The following PTP4A1 variants were observed in gnomAD, a reference collection of about 807,000 sequenced individuals.
PTP4A1 encodes protein tyrosine phosphatase 4A1.
In PTP4A1, 9 loss-of-function variants were observed where a neutral mutation model predicts 20.5. The observed-to-expected ratio is 0.44, with a 90% confidence interval of 0.26 to 0.77. PTP4A1 has a LOEUF of 0.77. Ranked by LOEUF, PTP4A1 falls within the 30% of genes least tolerant of loss-of-function variation. The pLI is 0.19. For synonymous variants in PTP4A1, 78 were observed against 67.4 expected (o/e 1.16, Z -0.77); for missense variants, 137 against 218.8 (o/e 0.63, Z 2.36).
upstream of PTP4A1, among the ~76,000 whole-genome samples, chr6:63,567,695 T>C (rs1258659328): frequency 6.6e-6 from 1 of 152,220 alleles, no homozygotes; most frequent in Non-Finnish European, 1.5e-5. Context: ...GAACTGCCTG[T>C]CCTTCGAAGC....
intron 2 of PTP4A1, among the ~76,000 whole-genome samples, chr6:63,532,816 C>A (rs1775527621): frequency 6.6e-6 from 1 of 151,946 alleles, no homozygotes; most frequent in Non-Finnish European, 1.5e-5. Flanking sequence ...GAATAAGCTA[C>A]CAAAAAATAT....
At chr6:63,527,394 C>T (rs1231477388) in intron 1 of PTP4A1, among the ~76,000 whole-genome samples, 2 of 152,110 alleles carry the variant, frequency 1.3e-5, no homozygotes, top group Non-Finnish European at 1.5e-5. Flanking sequence ...CCAATAAGTG[C>T]CGAGTGAATA....
chr6:63,517,613 ACTAT>A (rs1774776436), upstream of PTP4A1, among the ~76,000 whole-genome samples: 1 of 152,076 alleles, frequency 6.6e-6, no homozygotes, highest in African/African-American at 2.4e-5. Context: ...AAGGACCTTC[ACTAT>A]CTATCAACAC....
At chr6:63,568,122 C>T (rs1417073744), upstream of PTP4A1, among the ~76,000 whole-genome samples, 1 of 152,230 alleles carries the variant, frequency 6.6e-6, no homozygotes, top group Non-Finnish European at 1.5e-5. Flanking sequence ...ACTTTCTTAT[C>T]ATTCCTGTGT....
chr6:63,516,999 G>A (rs1435464482), upstream of PTP4A1, among the ~76,000 whole-genome samples: 4 of 152,100 alleles, frequency 2.6e-5, no homozygotes, highest in South Asian at 2.1e-4. Context: ...ACCATTGACC[G>A]AAGCCATTGT....
rs540620817 is a variant in PTP4A1 at position 63,576,837 on chromosome 6, T to A, written c.-44T>A. 243 of 1,493,342 alleles carry A rather than the reference T, an allele frequency of 1.6e-4. 1 individual carries two copies. The highest frequency in any genetic ancestry group is 7.2e-4 in the Middle Eastern group (3 of 4,190). The allele number at this position is 1,493,342 out of a possible 1,614,324, so 92.5% of individuals were successfully genotyped here. A position where few individuals can be genotyped will look rare whatever the true frequency, so the allele number is the denominator to read the frequency against. ...GCATCATTTCTGTATTCAATTTTTT[T>A]AATTATTTCATAACCCTATTGAGTG... On this transcript the variant is annotated 5_prime_UTR_variant, in exon 2 of 6. Transcript: ENST00000626021.
upstream of PTP4A1, chr6:63,571,434 G>A (rs1777420905): frequency 6.6e-6 from 1 of 152,208 alleles, no homozygotes; most frequent in African/African-American, 2.4e-5. Context: ...AGGGTTTTCA[G>A]ATTATAAATA....
intron 2 of PTP4A1, among the ~76,000 whole-genome samples, chr6:63,544,790 T>C (rs1776116685): frequency 6.6e-6 from 1 of 152,210 alleles, no homozygotes; most frequent in Admixed American, 6.5e-5. Context: ...CCTCTCCACG[T>C]ATCCTATCAG....
upstream of PTP4A1, chr6:63,572,051 C>T (rs1332163828): frequency 6.6e-6 from 1 of 152,278 alleles, no homozygotes; most frequent in Non-Finnish European, 1.5e-5. Context: ...GCAGGCTCGA[C>T]ACTGAGACGC....
chr6:63,531,354 T>C (rs971677374), intron 2 of PTP4A1, among the ~76,000 whole-genome samples: 2 of 151,452 alleles, frequency 1.3e-5, no homozygotes, highest in African/African-American at 4.9e-5. Flanking sequence ...TCTCTTTAAC[T>C]AAAACAATAA....
At chr6:63,570,608 A>AT (rs886825442), upstream of PTP4A1, among the ~76,000 whole-genome samples, 1 of 152,182 alleles carries the variant, frequency 6.6e-6, no homozygotes, top group African/African-American at 2.4e-5. Context: ...GCTAACACAT[A>AT]TTTGGCTCTG....
intron 2 of PTP4A1, among the ~76,000 whole-genome samples, chr6:63,533,257 C>T (rs934677156): frequency 6.6e-6 from 1 of 152,128 alleles, no homozygotes; most frequent in African/African-American, 2.4e-5. Context: ...TGGCGCACAC[C>T]TGTTTTCTCA....
intron 1 of PTP4A1, among the ~76,000 whole-genome samples, chr6:63,574,937 C>T (rs184882585): frequency 6.6e-6 from 1 of 152,338 alleles, no homozygotes; most frequent in African/African-American, 2.4e-5. Context: ...GAAGTAACCT[C>T]TGAGGGCTTG....
intron 3 of PTP4A1, among the ~76,000 whole-genome samples, chr6:63,564,764 C>T (rs894491569): frequency 5.9e-5 from 9 of 152,264 alleles, no homozygotes; most frequent in African/African-American, 1.7e-4. Flanking sequence ...GAGACTGTGG[C>T]CTTCCTGATT....
At chr6:63,578,671 T>C (rs1252936290) in intron 3 of PTP4A1, 142 bp downstream of exon 3, 4 of 1,307,062 alleles carry the variant, frequency 3.1e-6, no homozygotes, top group Non-Finnish European at 4.1e-6. Flanking sequence ...GTGCAGAATC[T>C]TAATTTCTAA....
chr6:63,575,972 TTG>T (rs1308910360), intron 1 of PTP4A1, among the ~76,000 whole-genome samples: 1 of 151,956 alleles, frequency 6.6e-6, no homozygotes, highest in Non-Finnish European at 1.5e-5. Flanking sequence ...TATCTGGAGT[TTG>T]TATTAATGTG....
chr6:63,564,274 T>TC (rs1777089575), intron 3 of PTP4A1, among the ~76,000 whole-genome samples: 1 of 133,162 alleles, frequency 7.5e-6, no homozygotes, highest in Non-Finnish European at 1.6e-5. Context: ...AGACTCTGTC[T>TC]CAAAAAAAAA....
upstream of PTP4A1, among the ~76,000 whole-genome samples, chr6:63,521,076 C>A (rs773868399): frequency 6.6e-6 from 1 of 151,836 alleles, no homozygotes; most frequent in African/African-American, 2.4e-5. Context: ...TATACTGGGG[C>A]CTGTCACGGG....
In PTP4A1 at chr6:63,538,547, T is replaced by TTAA. The variant is rs533240274; in HGVS notation, c.-640+10466_-640+10468dup. ...GTAGCTTTGCATAAGCAATAAATAATTAATAGGATTTTGAAACTTGGTCCA... is the reference window on the plus strand; with the variant it reads ...GTAGCTTTGCATAAGCAATAAATAATTAATAATAGGATTTTGAAACTTGGTCCA... On this transcript the variant is annotated intron_variant, in intron 2 of 3. Transcript: ENST00000639568. Among the ~76,000 whole-genome samples, 250 of 152,316 alleles carry TTAA rather than the reference T, an allele frequency of 1.6e-3. 1 individual carries two copies. The highest frequency in any genetic ancestry group is 7.4e-4 in the Non-Finnish European group (50 of 68,026).
Sources: allele counts gnomAD v4.1 joint callset (sites outside exome capture counted in the v4.1 genomes callset), GRCh38; gene constraint gnomAD v4.1.1; transcripts MANE v1.5; gene names NCBI Gene and HGNC (gene_info 2026-07-23, HGNC 2026-07-21).